The following ZNF341 variants were observed in gnomAD, a reference collection of about 807,000 sequenced individuals.
ZNF341 encodes zinc finger protein 341.
ZNF341 carries 52 observed loss-of-function variants against 87.7 expected under a neutral mutation model. That is an observed-to-expected ratio of 0.59 (90% CI 0.47 to 0.75). ZNF341 has a LOEUF of 0.75. Ranked by LOEUF, ZNF341 falls within the 30% of genes least tolerant of loss-of-function variation. ZNF341 has a pLI of 0.00. For missense variants in ZNF341, 977 were observed against 1,145.9 expected, an observed-to-expected ratio of 0.85 and a Z score of 2.13; for synonymous variants, 459 against 472.7, an observed-to-expected ratio of 0.97 and a Z score of 0.38.
intron 10 of ZNF341, among the ~76,000 whole-genome samples, chr20:33,775,071 C>T (rs2019601815): frequency 6.6e-6 from 1 of 152,188 alleles, no homozygotes. Flanking sequence ...TTACTTCTGT[C>T]ATCTCCCATT....
At chr20:33,771,100 CG>C (rs1001098711) in intron 10 of ZNF341, among the ~76,000 whole-genome samples, 3 of 151,362 alleles carry the variant, frequency 2.0e-5, no homozygotes, top group Admixed American at 2.0e-4. Context: ...CCAGCCTGGG[CG>C]ACAGAGCAAC....
intron 7 of ZNF341, 111 bp from the exon 8 acceptor site, chr20:33,761,751 G>A (rs1243732596): frequency 2.1e-6 from 2 of 938,556 alleles, no homozygotes; most frequent in Non-Finnish European, 3.0e-6. Context: ...TCAGAATGTG[G>A]CAAGTGGCAT....
intron 9 of ZNF341, among the ~76,000 whole-genome samples, chr20:33,769,478 A>G (rs1330007670): frequency 6.6e-6 from 1 of 152,162 alleles, no homozygotes; most frequent in African/African-American, 2.4e-5. Flanking sequence ...TATGACATTG[A>G]AAGGGTATAC....
At chr20:33,756,468 G>A (rs2074435026) in intron 5 of ZNF341, among the ~76,000 whole-genome samples, 1 of 151,568 alleles carries the variant, frequency 6.6e-6, no homozygotes, top group Non-Finnish European at 1.5e-5. Context: ...CCAGGCTCAA[G>A]TGATTCTCCT....
Position 33,747,044 on chromosome 20 carries a change from A to G in ZNF341, c.339+1745A>G, listed in dbSNP as rs1052811216. On this transcript the variant is annotated intron_variant, in intron 3 of 14. Coordinates refer to ENST00000375200, the MANE Select transcript of ZNF341 (RefSeq NM_001282933.2). Reference sequence around the variant, plus strand: ...GGACAAGGCTGGAGGCATCTGGGGAAGCTTCCAGAGTCCTCAGCCGAAAAC... The same window carrying G: ...GGACAAGGCTGGAGGCATCTGGGGAGGCTTCCAGAGTCCTCAGCCGAAAAC... 2.6e-5 allele frequency among the ~76,000 whole-genome samples: 4 copies of G among 152,248 alleles called. No homozygotes were observed. The East Asian group carries it at 7.7e-4, about 29-fold the overall frequency.
chr20:33,742,927 A>G (rs1313871132), intron 2 of ZNF341, among the ~76,000 whole-genome samples: 1 of 152,092 alleles, frequency 6.6e-6, no homozygotes, highest in African/African-American at 2.4e-5. Context: ...AATTTGTATT[A>G]TTGTATAAGA....
rs368406285 is a variant in ZNF341 at position 33,753,434 on chromosome 20, G to C, written c.741+11G>C. ...TACCCACCCCTAGAGGTGAGCAGAG[G>C]GGGCAGGGTGGAAGAGGACACTGGT... On this transcript the variant is annotated intron_variant, in intron 5 of 14. Coordinates refer to ENST00000375200, the MANE Select transcript of ZNF341 (RefSeq NM_001282933.2). 83 of 1,576,334 alleles carry C rather than the reference G, an allele frequency of 5.3e-5. No individual in the cohort carries two copies. Among genetic ancestry groups the C allele is most frequent in the Non-Finnish European group, 7.0e-5 (81 of 1,162,044 alleles).
intron 9 of ZNF341, among the ~76,000 whole-genome samples, chr20:33,768,733 G>A (rs950907665): frequency 1.3e-5 from 2 of 152,194 alleles, no homozygotes; most frequent in Admixed American, 6.5e-5. Context: ...TGGATCAAGT[G>A]TTTTAACTAG....
intron 5 of ZNF341, among the ~76,000 whole-genome samples, chr20:33,755,029 A>G (rs1225230898): frequency 2.7e-5 from 4 of 150,084 alleles, no homozygotes; most frequent in Non-Finnish European, 5.9e-5. Flanking sequence ...TGCAACCTCC[A>G]CCTCTCAGGT....
At chr20:33,752,116 C>G (rs573571924) in intron 4 of ZNF341, 50 of 389,334 alleles carry the variant, frequency 1.3e-4, no homozygotes, top group East Asian at 4.1e-4. Flanking sequence ...AAGCCCCCCC[C>G]CCTTTTTTTT....
intron 14 of ZNF341, 136 bp downstream of exon 14, chr20:33,789,724 C>G (rs2019957619): frequency 2.1e-6 from 2 of 940,528 alleles, no homozygotes; most frequent in Admixed American, 4.1e-5. Flanking sequence ...CCAGCACTTT[C>G]ACTTATGTGG....
intron 1 of ZNF341, among the ~76,000 whole-genome samples, chr20:33,733,693 T>A (rs1000919104): frequency 2.0e-5 from 3 of 152,098 alleles, no homozygotes; most frequent in African/African-American, 7.2e-5. Flanking sequence ...TCTTGAAGGA[T>A]CACAATTCGC....
At chr20:33,752,359 C>T in intron 4 of ZNF341, 1 of 627,516 alleles carries the variant, frequency 1.6e-6, no homozygotes, top group Non-Finnish European at 3.1e-6. Context: ...TATCAATGCA[C>T]ACATCTGGAG....
intron 14 of ZNF341, among the ~76,000 whole-genome samples, chr20:33,790,312 A>G (rs758446908): frequency 9.2e-5 from 14 of 152,066 alleles, no homozygotes; most frequent in Non-Finnish European, 1.9e-4. Context: ...ACCTCAAGTG[A>G]TCTGCCCGCC....
chr20:33,741,837 A>C (rs1457413018), intron 2 of ZNF341, among the ~76,000 whole-genome samples: 1 of 152,094 alleles, frequency 6.6e-6, no homozygotes, highest in Admixed American at 6.6e-5. Context: ...TTGTTCTTAT[A>C]GTTCTTAGCT....
At chr20:33,776,997 G>C (rs6087519) in intron 10 of ZNF341, among the ~76,000 whole-genome samples, 70,123 of 151,560 alleles carry the variant, frequency 0.46, 18,502 homozygotes, top group African/African-American at 0.73. Flanking sequence ...CTTCCATAAG[G>C]GCAATATACT....
In ZNF341 at chr20:33,732,440, C is replaced by T. The variant is rs560905835; in HGVS notation, c.31+388C>T. Among the ~76,000 whole-genome samples, 1 of 151,950 alleles carries T rather than the reference C, an allele frequency of 6.6e-6. No homozygotes were observed. Among genetic ancestry groups the T allele is most frequent in the Admixed American group, 6.5e-5 (1 of 15,272 alleles). On this transcript the variant is annotated intron_variant, in intron 1 of 14. Transcript: ENST00000375200. This position sits in a 1 kb window ranked among gnomAD's most constrained non-coding sequence, Gnocchi z 4.5. The stretch of plus-strand genomic sequence containing the variant: ...GCGGGGCCCGGGACGGGGGTGCGGT[C>T]GCAGCTGCGGGCAGGAGGGCCTCGG...
At chr20:33,747,614 C>CA (rs773781002) in intron 3 of ZNF341, among the ~76,000 whole-genome samples, 4,166 of 15,556 alleles carry the variant, frequency 0.27, 739 homozygotes, top group East Asian at 0.67. Flanking sequence ...GACTCCGTCT[C>CA]AAAAAAAAAA....
chr20:33,733,075 C>G (rs1379544388), intron 1 of ZNF341, among the ~76,000 whole-genome samples: 4 of 152,180 alleles, frequency 2.6e-5, no homozygotes, highest in Admixed American at 6.6e-5. Flanking sequence ...GAGACGGAGT[C>G]TCACTCTGTC....
Sources: gnomAD v4.1 joint callset for allele counts (sites outside exome capture counted in the v4.1 genomes callset) on GRCh38, gnomAD v4.1.1 for gene constraint, Gnocchi (gnomAD v3.1) non-coding constraint, MANE v1.5 for transcripts, NCBI Gene and HGNC (gene_info 2026-07-23, HGNC 2026-07-21) for gene names.